Variants in EML3 observed in about 807,000 individuals in gnomAD.
EML3 encodes EMAP like 3.
In EML3, 53 loss-of-function variants were observed where a neutral mutation model predicts 106.7. The ratio of observed to expected loss-of-function variants is 0.50; its 90% CI spans 0.40 to 0.62. The LOEUF is 0.62. Ranked by LOEUF, EML3 falls within the 20% of genes least tolerant of loss-of-function variation. The pLI, the probability that EML3 is intolerant of heterozygous loss-of-function variation, is 0.00. For missense variants in EML3, 994 were observed against 1,209.1 expected (o/e 0.82, Z 2.64); for synonymous variants, 499 against 489.6 (o/e 1.02, Z -0.25).
At chr11:62,604,616 G>A in intron 16 of EML3, 1 of 228,210 alleles carries the variant, frequency 4.4e-6, no homozygotes, top group East Asian at 1.1e-4. Context: ...GACCTCAAGT[G>A]ATCCACCCGC....
rs767230296 is a variant in EML3, at chr11:62,611,361, G to A, written c.195-17C>T. On this transcript the variant is annotated splice_polypyrimidine_tract_variant and intron_variant, in intron 2 of 21. Transcript: ENST00000394773. Reference sequence around the variant, plus strand: ...GCTGCAAGACTGCTGGAGAGATGTTGAATTAACCTGAAGCCCCAGAGGCCC... The same window carrying A: ...GCTGCAAGACTGCTGGAGAGATGTTAAATTAACCTGAAGCCCCAGAGGCCC... The A allele has an allele frequency of 2.5e-6, 4 of 1,613,382 alleles. No individual in the cohort carries two copies. The highest frequency in any genetic ancestry group is 1.3e-5 in the African/African-American group (1 of 75,048).
Position 62,608,661 on chromosome 11 carries a change from G to A in EML3, c.1000-9C>T. ...ACCACAGGCTGCAGGGGCTGGTGGA[G>A]GAAGAGTCACAAGTGTGAAGCAAAA... On this transcript the variant is annotated splice_polypyrimidine_tract_variant and intron_variant, in intron 8 of 21. Coordinates refer to ENST00000394773, the MANE Select transcript of EML3 (RefSeq NM_153265.3). The A allele has an allele frequency of 6.2e-7, 1 of 1,614,160 alleles. No individual in the cohort carries two copies. The highest frequency in any genetic ancestry group is 8.5e-7 in the Non-Finnish European group (1 of 1,180,006).
Position 62,606,172 on chromosome 11 carries a change from G to C in EML3, c.1547C>G (p.Ser516Cys). ...IVAQAHAHEG[S>C]IFALCLRRDG... ...CCTCCGGAGACACAAGGCGAAGATA[G>C]AACCTTCATGAGCGTGAGCCTGGGC... The change falls in exon 13 of 22, where the codon TCT (serine) becomes TGT (cysteine). Residue 516 changes from serine (S) to cysteine (C), a missense_variant. Coordinates refer to ENST00000394773, the MANE Select transcript of EML3 (RefSeq NM_153265.3). The C allele has an allele frequency of 1.9e-6, 3 of 1,614,042 alleles. No homozygotes were observed. The highest frequency in any genetic ancestry group is 8.5e-7 in the Non-Finnish European group (1 of 1,180,034).
chr11:62,611,865 G>C (rs1193067549), intron 1 of EML3: 2 of 523,188 alleles, frequency 3.8e-6, no homozygotes, highest in Non-Finnish European at 6.7e-6. Flanking sequence ...GTACCGGGGG[G>C]GAAATATGGA....
At chr11:62,606,523 G>C (rs1031381042) in intron 12 of EML3, 19 of 430,544 alleles carry the variant, frequency 4.4e-5, no homozygotes, top group African/African-American at 6.0e-5. Context: ...CACGCTTCTA[G>C]ACTAGCCCCC....
At chr11:62,607,218 CG>C in intron 11 of EML3, 119 bp from the exon 12 acceptor site, 1 of 1,305,546 alleles carries the variant, frequency 7.7e-7, no homozygotes, top group Admixed American at 2.1e-5. Context: ...GAGGCCAAGG[CG>C]GGCGGGTCAC....
Position 62,605,632 on chromosome 11 carries a change from A to G in EML3, c.1914+10T>C. On this transcript the variant is annotated intron_variant, in intron 15 of 21. Coordinates refer to ENST00000394773, the MANE Select transcript of EML3 (RefSeq NM_153265.3). This position sits in a 1 kb window ranked among gnomAD's most constrained non-coding sequence, Gnocchi z 5.2. ...TGTGGCATGGGGGATCCAGGGGCAC[A>G]GGGCTCTACCTTGAGGTCGATGCTC... The G allele has an allele frequency of 6.6e-7, 1 of 1,521,352 alleles. No homozygotes were observed. The allele number at this position is 1,521,352 out of a possible 1,614,324, so 94.2% of individuals were successfully genotyped here.
chr11:62,611,965 T>G (rs1396313228), intron 1 of EML3: 2 of 361,924 alleles, frequency 5.5e-6, no homozygotes, highest in African/African-American at 2.1e-5. Flanking sequence ...CCCAGCAAGC[T>G]CAGGTCTCCA....
chr11:62,610,963 G>C lies in EML3; in HGVS notation c.482C>G (p.Ser161Cys). The change falls in exon 4 of 22, where the codon TCC (serine) becomes TGC (cysteine). Residue 161 changes from serine to cysteine, a missense_variant. Physicochemically the swap from Ser to Cys is moderately radical, Grantham distance 112. Around this residue, in one of 3 missense-constraint regions of EML3, gnomAD observed 269 missense variants for 265.1 expected, o/e 1.01. Coordinates refer to ENST00000394773, the MANE Select transcript of EML3 (RefSeq NM_153265.3). ...CTTCTGCCGAGGCCGCTCTGAGGGG[G>C]ATGAGGAGGAGGAAGAATTTCTTCG... ...TPRRNSSSSSSPSERPRQKLS... is the reference protein window; with the variant it reads ...TPRRNSSSSSCPSERPRQKLS... 6.2e-7 allele frequency: 1 copy of C among 1,613,848 alleles called. No homozygotes were observed. Among genetic ancestry groups the C allele is most frequent in the East Asian group, 2.2e-5 (1 of 44,890 alleles).
intron 1 of EML3, chr11:62,611,905 G>A (rs1590764919): frequency 2.3e-6 from 1 of 443,522 alleles, no homozygotes. Context: ...GAGCCACAGA[G>A]AGAGGCGCCG....
Position 62,605,786 on chromosome 11 carries a change from A to G in EML3, c.1783-13T>C, listed in dbSNP as rs758296817. 49 of 1,600,736 alleles carry G rather than the reference A, an allele frequency of 3.1e-5. No individual in the cohort carries two copies. Among genetic ancestry groups the G allele is most frequent in the Admixed American group, 8.4e-5 (5 of 59,314 alleles). ...CATCAGTGTGGCCCTGCAGCACAGCATGACTGTCACTCCTGCCCCTCTCTC... is the reference window on the plus strand; with the variant it reads ...CATCAGTGTGGCCCTGCAGCACAGCGTGACTGTCACTCCTGCCCCTCTCTC... On this transcript the variant is annotated splice_polypyrimidine_tract_variant and intron_variant, in intron 14 of 21. Transcript: ENST00000394773. The surrounding 1 kb of genome is among the most constrained non-coding windows in gnomAD (Gnocchi z 5.2).
rs9667009 is a variant in EML3, at chr11:62,611,479, T to C, written c.140A>G (p.Gln47Arg). 1.2e-6 allele frequency: 2 copies of C among 1,613,738 alleles called. No individual in the cohort carries two copies. Among genetic ancestry groups the C allele is most frequent in the Non-Finnish European group, 8.5e-7 (1 of 1,179,928 alleles). ...GCCCTGCAGGGAGGAAGGGGGCACC[T>C]GCAGCCGCAGCAGGCGAAGGGCTTC... ...LAEALRLLRLQVPPSSLQGSG... is the reference protein window; with the variant it reads ...LAEALRLLRLRVPPSSLQGSG... Residue 47 changes from glutamine to arginine, a missense_variant, in exon 2 of 22, where the codon CAG (glutamine) becomes CGG (arginine). Coordinates refer to ENST00000394773, the MANE Select transcript of EML3 (RefSeq NM_153265.3).
rs543854364 is a variant in EML3 at position 62,608,450 on chromosome 11, G to A, written c.1110+92C>T. 110 of 1,446,036 alleles carry A rather than the reference G, an allele frequency of 7.6e-5. No individual in the cohort carries two copies. In the South Asian group the frequency reaches 1.2e-3, roughly 16 times the overall value. The allele number at this position is 1,446,036 out of a possible 1,614,324, so 89.6% of individuals were successfully genotyped here. On this transcript the variant is annotated intron_variant, in intron 9 of 21. Transcript: ENST00000394773. ...AAGAGAACCAGCTGGGTGGGGTTCA[G>A]GAAGGCCAGAACTTCCAAGGCTTCC...
rs944932570 is a variant in EML3 at position 62,612,387 on chromosome 11, G to A, written c.22+49C>T. On this transcript the variant is annotated intron_variant, in intron 1 of 21. Transcript: ENST00000394773. ...GTCCAGCTCTGGCATAACCCGACGA[G>A]CCGGGCGCTCCGGGAAGGGGCACGC... is the stretch of plus-strand genomic sequence containing the variant. The A allele has an allele frequency of 6.7e-6, 10 of 1,493,462 alleles. No homozygotes were observed. In the East Asian group the frequency reaches 1.1e-4, roughly 17 times the overall value. The allele number at this position is 1,493,462 out of a possible 1,614,324, so 92.5% of individuals were successfully genotyped here. A position where few individuals can be genotyped will look rare whatever the true frequency, so the allele number is the denominator to read the frequency against.
At chr11:62,603,877 T>C (rs1401880831) in intron 18 of EML3, 61 bp from the exon 19 acceptor site, 7 of 1,610,986 alleles carry the variant, frequency 4.3e-6, no homozygotes, top group African/African-American at 2.7e-5. Flanking sequence ...CAGAGCCCCC[T>C]TGATGCATCA....
chr11:62,605,213 T>C lies in EML3; in HGVS notation c.1915-33A>G, dbSNP rs1233590118. 20 of 1,604,648 alleles carry C rather than the reference T, an allele frequency of 1.2e-5. No homozygotes were observed. The highest frequency in any genetic ancestry group is 1.6e-5 in the Non-Finnish European group (19 of 1,174,902). ...AGGGGAGAAGGTGAATTCAAGATGA[T>C]GTCTTTCTAGTGAGGGAACCAGAGT... is the stretch of plus-strand genomic sequence containing the variant. On this transcript the variant is annotated intron_variant, in intron 15 of 21. Transcript: ENST00000394773. The surrounding 1 kb of genome is among the most constrained non-coding windows in gnomAD (Gnocchi z 5.2).
In EML3 at chr11:62,612,418, GC is replaced by G; in HGVS notation, c.22+17del. 1 of 1,499,392 alleles carries G rather than the reference GC, an allele frequency of 6.7e-7. No homozygotes were observed. The highest frequency in any genetic ancestry group is 8.9e-7 in the Non-Finnish European group (1 of 1,129,858). The allele number at this position is 1,499,392 out of a possible 1,614,324, so 92.9% of individuals were successfully genotyped here. A position where few individuals can be genotyped will look rare whatever the true frequency, so the allele number is the denominator to read the frequency against. ...CGCTCCGGGAAGGGGCACGCCGCCC[GC>G]CCCGCCCCGTACTCACCGGGCCCCG... On this transcript the variant is annotated intron_variant, in intron 1 of 21. Transcript: ENST00000394773.
chr11:62,607,462 A>C (rs1404580692), intron 11 of EML3: 2 of 535,712 alleles, frequency 3.7e-6, no homozygotes, highest in Non-Finnish European at 6.2e-6. Context: ...GCTCGAACCC[A>C]GGAGGCAGAC....
rs1942894823 is a variant in EML3 at position 62,612,649 on chromosome 11, C to T, written c.-192G>A. ...CGCTGTGGGCCCGGGGCCGCAGTCT[C>T]CAGACCCCCCCGGGCCCTCGGACTC... On this transcript the variant is annotated 5_prime_UTR_variant, in exon 1 of 22. Coordinates refer to ENST00000394773, the MANE Select transcript of EML3 (RefSeq NM_153265.3). 8 of 439,208 alleles carry T rather than the reference C, an allele frequency of 1.8e-5. No homozygotes were observed. In the South Asian group the frequency reaches 5.6e-4, roughly 31 times the overall value. 27.2% of individuals were successfully genotyped at this position (439,208 alleles called of 1,614,324 possible). A position where few individuals can be genotyped will look rare whatever the true frequency, so the allele number is the denominator to read the frequency against.
Sources: gnomAD v4.1 joint callset for allele counts on GRCh38, gnomAD v4.1.1 for gene constraint, gnomAD v4.1.1 regional missense constraint, Gnocchi (gnomAD v3.1) non-coding constraint, MANE v1.5 for transcripts, NCBI Gene and HGNC (gene_info 2026-07-23, HGNC 2026-07-21) for gene names.